ADGRB2: variants seen among roughly 807,000 people sequenced by gnomAD.
ADGRB2 encodes brain-specific angiogenesis inhibitor 2.
A neutral mutation model predicts 178.7 loss-of-function variants in ADGRB2; 47 were observed. That is an observed-to-expected ratio of 0.26 (90% CI 0.21 to 0.34). The LOEUF (loss-of-function observed/expected upper bound fraction) is 0.34, where lower values mean the gene tolerates loss of function less well. Among genes scored for constraint, ADGRB2 ranks in the 10% least tolerant of loss-of-function variants. ADGRB2 has a pLI of 1.00. For synonymous variants in ADGRB2, 870 were observed against 912.4 expected, an observed-to-expected ratio of 0.95 and a Z score of 0.84; for missense variants, 1,584 against 2,180.8, an observed-to-expected ratio of 0.73 and a Z score of 5.45.
intron 27 of ADGRB2, 44 bp downstream of exon 27, chr1:31,732,473 G>A: frequency 1.9e-6 from 3 of 1,598,006 alleles, no homozygotes; most frequent in South Asian, 1.1e-5. Context: ...TGGGGTGGGG[G>A]GTGCCCAGAA....
Position 31,741,855 on chromosome 1 carries a change from G to A in ADGRB2, c.1530C>T (p.Tyr510=). 2 of 1,609,656 alleles carry A rather than the reference G, an allele frequency of 1.2e-6. No homozygotes were observed. The highest frequency in any genetic ancestry group is 2.2e-5 in the East Asian group (1 of 44,788). ...RMCQATGTQG[Y]PCEGTGEEVK... ...CCTCCTCTCCGGTGCCCTCGCAGGG[G>A]TAGCCCTGCGTGCCCGTGGCCTGGC... is the stretch of plus-strand genomic sequence containing the variant. Residue 510 remains tyrosine, a synonymous_variant, in exon 9 of 33, where the codon TAC becomes TAT. Transcript: ENST00000373658. This position sits in a 1 kb window ranked among gnomAD's most constrained non-coding sequence, Gnocchi z 6.5.
rs898464912 is a variant in ADGRB2 at position 31,728,707 on chromosome 1, A to G, written c.4381-74T>C. The G allele has an allele frequency of 8.4e-5, 131 of 1,567,528 alleles. No homozygotes were observed. The highest frequency in any genetic ancestry group is 1.1e-4 in the Non-Finnish European group (124 of 1,141,234). ...CACCGGCAGGGGCTTTAGAGACAGG[A>G]AGCCTGGCATCCCAGGGGTCTGCCC... On this transcript the variant is annotated intron_variant, in intron 29 of 32. Coordinates refer to ENST00000373658, the MANE Select transcript of ADGRB2 (RefSeq NM_001364857.2). The surrounding 1 kb of genome is among the most constrained non-coding windows in gnomAD (Gnocchi z 6.7).
chr1:31,731,953 A>G (rs1174659410), intron 28 of ADGRB2, among the ~76,000 whole-genome samples, 162 bp downstream of exon 28: 2 of 152,176 alleles, frequency 1.3e-5, no homozygotes, highest in Non-Finnish European at 2.9e-5. Flanking sequence ...AGGGTCATAC[A>G]GTAAGGGACA....
At position 31,762,614 on chromosome 1, in the gene ADGRB2, C is replaced by T. The variant is rs1275760011; in HGVS notation, c.-191+1270G>A. Among the ~76,000 whole-genome samples, 5 of 150,554 alleles carry T rather than the reference C, an allele frequency of 3.3e-5. No homozygotes were observed. The East Asian group carries it at 9.9e-4, about 30-fold the overall frequency. On this transcript the variant is annotated intron_variant, in intron 1 of 32. Coordinates refer to ENST00000373658, the MANE Select transcript of ADGRB2 (RefSeq NM_001364857.2). ...CTGGGGTGAGCCCTCCACCCCACCC[C>T]AACCCATCCCACCCCCAGAACATAT...
chr1:31,737,147 C>T (rs1645658737), intron 20 of ADGRB2, among the ~76,000 whole-genome samples: 1 of 152,194 alleles, frequency 6.6e-6, no homozygotes, highest in Non-Finnish European at 1.5e-5. Flanking sequence ...CACACGCTCA[C>T]AGACACAAGG....
Position 31,739,525 on chromosome 1 carries a change from A to G in ADGRB2, c.2278T>C (p.Phe760Leu). 1 of 1,613,140 alleles carries G rather than the reference A, an allele frequency of 6.2e-7. No homozygotes were observed. The highest frequency in any genetic ancestry group is 8.5e-7 in the Non-Finnish European group (1 of 1,179,970). Reference sequence around the variant, plus strand: ...AGGCTGAGCACCTCCTTGGGCAGGAAGAGGCGGTCCTCTGAGTGCCGCACC... The same window carrying G: ...AGGCTGAGCACCTCCTTGGGCAGGAGGAGGCGGTCCTCTGAGTGCCGCACC... The part of the protein sequence containing the change: ...DWVRHSEDRL[F>L]LPKEVLSLSS... Residue 760 changes from phenylalanine (F) to leucine (L), a missense_variant, in exon 15 of 33, where the codon TTC (phenylalanine) becomes CTC (leucine). Phe to Leu is a conservative substitution (Grantham distance 22). Coordinates refer to ENST00000373658, the MANE Select transcript of ADGRB2 (RefSeq NM_001364857.2).
intron 3 of ADGRB2, 82 bp downstream of exon 3, chr1:31,757,119 T>C: frequency 6.2e-7 from 1 of 1,601,976 alleles, no homozygotes; most frequent in Non-Finnish European, 8.6e-7. Context: ...GTAGTTGTTG[T>C]TGCCATCGTT....
At chr1:31,747,372 G>A (rs553011487) in intron 4 of ADGRB2, among the ~76,000 whole-genome samples, 2 of 151,964 alleles carry the variant, frequency 1.3e-5, no homozygotes, top group Non-Finnish European at 2.9e-5. Context: ...TCCATTCCTG[G>A]ATATCCTCCT....
intron 7 of ADGRB2, 120 bp from the exon 8 acceptor site, chr1:31,742,337 C>G (rs1646021788): frequency 7.3e-7 from 1 of 1,367,862 alleles, no homozygotes; most frequent in Admixed American, 2.6e-5. Context: ...CAGGCCAGAC[C>G]CACTGGAGTG....
chr1:31,732,703 G>A, intron 26 of ADGRB2, 91 bp from the exon 27 acceptor site: 1 of 1,437,018 alleles, frequency 7.0e-7, no homozygotes, highest in Non-Finnish European at 9.6e-7. Context: ...GCCCAGGCAA[G>A]TGTAGAAGGA....
intron 1 of ADGRB2, among the ~76,000 whole-genome samples, chr1:31,762,144 A>G (rs1301251098): frequency 1.3e-5 from 2 of 152,088 alleles, no homozygotes; most frequent in Non-Finnish European, 2.9e-5. Flanking sequence ...ACGCACGCAC[A>G]CCCCAGACTA....
rs547120165 is a variant in ADGRB2, at chr1:31,733,684, A to G, written c.3453-541T>C. On this transcript the variant is annotated intron_variant, in intron 25 of 32. Coordinates refer to ENST00000373658, the MANE Select transcript of ADGRB2 (RefSeq NM_001364857.2). This position sits in a 1 kb window ranked among gnomAD's most constrained non-coding sequence, Gnocchi z 4.3. ...AGGGAGAAGACAGGGGGCCAGGACC[A>G]GTGAAGCAGAACTCCCCCCACACAC... Among the ~76,000 whole-genome samples the G allele has an allele frequency of 1.3e-5, 2 of 151,824 alleles. No individual in the cohort carries two copies. The highest frequency in any genetic ancestry group is 2.9e-5 in the Non-Finnish European group (2 of 67,886).
chr1:31,729,859 C>T (rs1215902896), intron 29 of ADGRB2, among the ~76,000 whole-genome samples: 1 of 152,242 alleles, frequency 6.6e-6, no homozygotes, highest in Non-Finnish European at 1.5e-5. Flanking sequence ...GTCTTTGTTA[C>T]GCCTTCCTGT....
chr1:31,741,354 C>A lies in ADGRB2; in HGVS notation c.1794+19G>T. 1 of 1,582,302 alleles carries A rather than the reference C, an allele frequency of 6.3e-7. No homozygotes were observed. Among genetic ancestry groups the A allele is most frequent in the Non-Finnish European group, 8.6e-7 (1 of 1,163,080 alleles). ...TGAGACAGATTCTGCTGTGCCCCAG[C>A]CCAGCAGGGTGCACTCACTGACAGA... On this transcript the variant is annotated intron_variant, in intron 11 of 32. Transcript: ENST00000373658. This position sits in a 1 kb window ranked among gnomAD's most constrained non-coding sequence, Gnocchi z 6.5.
rs1281427492 is a variant in ADGRB2 at position 31,742,216 on chromosome 1, C to T, written c.1254G>A (p.Val418=). 1 of 1,598,882 alleles carries T rather than the reference C, an allele frequency of 6.3e-7. No individual in the cohort carries two copies. The highest frequency in any genetic ancestry group is 8.5e-7 in the Non-Finnish European group (1 of 1,171,548). ...TKLCSMAACP[V]EGQWLEWGPW... ...GACCCCATTCTAACCACTGGCCTTC[C>T]ACTGCATGGGGAGACACAAGCAGGG... The change falls in exon 8 of 33, where the codon GTG becomes GTA. Residue 418 remains valine (V), a splice_region_variant and synonymous_variant. Transcript: ENST00000373658.
intron 1 of ADGRB2, among the ~76,000 whole-genome samples, chr1:31,760,232 A>G (rs1248149301): frequency 2.0e-5 from 3 of 152,080 alleles, no homozygotes. Flanking sequence ...AGAGAGGAGG[A>G]TCAAAAGGCC....
At chr1:31,752,364 C>T (rs1428833691) in intron 4 of ADGRB2, among the ~76,000 whole-genome samples, 1 of 152,174 alleles carries the variant, frequency 6.6e-6, no homozygotes, top group Non-Finnish European at 1.5e-5. Flanking sequence ...GAAGGACCTT[C>T]CAGGAAATAC....
chr1:31,741,318 C>T lies in ADGRB2; in HGVS notation c.1794+55G>A. ...GCGAGAATCACGCTCCCTCCACCCC[C>T]TAGCAGAGTCTGAGACAGATTCTGC... On this transcript the variant is annotated intron_variant, in intron 11 of 32. Transcript: ENST00000373658. The surrounding 1 kb of genome is among the most constrained non-coding windows in gnomAD (Gnocchi z 6.5). 1.3e-6 allele frequency: 2 copies of T among 1,518,842 alleles called. No individual in the cohort carries two copies. Among genetic ancestry groups the T allele is most frequent in the Middle Eastern group, 1.7e-4 (1 of 5,880 alleles). 94.1% of individuals were successfully genotyped at this position (1,518,842 alleles called of 1,614,324 possible).
At position 31,738,242 on chromosome 1, in the gene ADGRB2, G is replaced by A; in HGVS notation, c.2730C>T (p.His910=). ...GGGCTAGTACAGCAAAGGTGGACAGGTGCTGGCACTGGCAGCGGGTGTGAG... is the reference window on the plus strand; with the variant it reads ...GGGCTAGTACAGCAAAGGTGGACAGATGCTGGCACTGGCAGCGGGTGTGAG... ...QAAHTRCQCQ[H]LSTFAVLAQP... is the part of the protein sequence containing the mutation. The change falls in exon 18 of 33, where the codon CAC becomes CAT. Residue 910 remains histidine, a synonymous_variant. Coordinates refer to ENST00000373658, the MANE Select transcript of ADGRB2 (RefSeq NM_001364857.2). 6.2e-7 allele frequency: 1 copy of A among 1,614,142 alleles called. No individual in the cohort carries two copies. The highest frequency in any genetic ancestry group is 8.5e-7 in the Non-Finnish European group (1 of 1,180,014).
Sources: allele counts gnomAD v4.1 joint callset (sites outside exome capture counted in the v4.1 genomes callset), GRCh38; gene constraint gnomAD v4.1.1; non-coding constraint Gnocchi (gnomAD v3.1); transcripts MANE v1.5; gene names NCBI Gene and HGNC (gene_info 2026-07-23, HGNC 2026-07-21).